Variants in CDIN1 observed in about 807,000 individuals in gnomAD.
The protein encoded by CDIN1 is CDAN1 interacting nuclease 1, also known as CDAN1-interacting nuclease 1.
CDIN1 carries 33 observed loss-of-function variants against 45.3 expected under a neutral mutation model. The ratio of observed to expected loss-of-function variants is 0.73; its 90% confidence interval spans 0.55 to 0.97. The LOEUF (loss-of-function observed/expected upper bound fraction) is 0.97, where lower values mean the gene tolerates loss of function less well. CDIN1 is among the 50% of genes least tolerant of loss of function. The probability of loss-of-function intolerance (pLI) is 0.00; values close to 1 mark genes in which losing one functional copy is unlikely to be tolerated. For missense variants in CDIN1, 303 were observed against 339.4 expected, an observed-to-expected ratio of 0.89 and a Z score of 0.84; for synonymous variants, 118 against 124.4, an observed-to-expected ratio of 0.95 and a Z score of 0.34.
At chr15:36,638,034 T>C (rs899649409) in intron 1 of CDIN1, among the ~76,000 whole-genome samples, 4 of 152,158 alleles carry the variant, frequency 2.6e-5, no homozygotes, top group Non-Finnish European at 5.9e-5. Flanking sequence ...AGTGGTTATA[T>C]TTTTTTAAAA....
At chr15:36,611,884 A>C (rs1234281884) in intron 1 of CDIN1, among the ~76,000 whole-genome samples, 1 of 152,240 alleles carries the variant, frequency 6.6e-6, no homozygotes, top group East Asian at 1.9e-4. Context: ...AAGGAATAAC[A>C]TATAGTAGGA....
At chr15:36,642,056 G>A (rs537759575) in intron 1 of CDIN1, 1 of 152,286 alleles carries the variant, frequency 6.6e-6, no homozygotes, top group Non-Finnish European at 1.5e-5. Context: ...GGTAGAGGTG[G>A]TGAGTTCCTA....
intron 3 of CDIN1, among the ~76,000 whole-genome samples, chr15:36,651,994 C>T (rs531833518): frequency 1.4e-4 from 21 of 152,266 alleles, no homozygotes; most frequent in African/African-American, 5.1e-4. Flanking sequence ...CTTAAAGCAA[C>T]AGATCTCTGG....
intron 5 of CDIN1, among the ~76,000 whole-genome samples, chr15:36,674,847 A>T (rs2041587247): frequency 6.6e-6 from 1 of 152,128 alleles, no homozygotes; most frequent in Non-Finnish European, 1.5e-5. Context: ...AGGGGAAAAT[A>T]TAACTCTCTT....
chr15:36,587,406 T>C (rs1227583158), intron 1 of CDIN1, among the ~76,000 whole-genome samples: 2 of 142,716 alleles, frequency 1.4e-5, no homozygotes, highest in African/African-American at 5.1e-5. Context: ...CACCTCTCTT[T>C]ACCAGAAAAT....
chr15:36,659,149 A>G (rs1673523660), intron 5 of CDIN1, among the ~76,000 whole-genome samples: 1 of 152,236 alleles, frequency 6.6e-6, no homozygotes, highest in Admixed American at 6.5e-5. Flanking sequence ...AGTCTGAAGC[A>G]GGTAGACTGG....
intron 10 of CDIN1, among the ~76,000 whole-genome samples, chr15:36,797,030 A>G (rs1177466995): frequency 6.6e-6 from 1 of 152,222 alleles, no homozygotes; most frequent in Non-Finnish European, 1.5e-5. Context: ...TTAAAGGAGC[A>G]CTATTGAAAA....
chr15:36,709,793 A>G (rs1241869555), intron 9 of CDIN1, 63 bp from the exon 10 acceptor site: 7 of 1,299,768 alleles, frequency 5.4e-6, no homozygotes, highest in Middle Eastern at 1.8e-4. Flanking sequence ...AGGCCTGTAC[A>G]GAGTTCAGAA....
chr15:36,770,776 T>C (rs1159782848), intron 10 of CDIN1, among the ~76,000 whole-genome samples: 2 of 152,212 alleles, frequency 1.3e-5, no homozygotes, highest in Non-Finnish European at 2.9e-5. Flanking sequence ...GATGATTTTA[T>C]GTGTTTGGCC....
intron 1 of CDIN1, among the ~76,000 whole-genome samples, chr15:36,581,867 A>C (rs7173538): frequency 0.48 from 73,600 of 152,148 alleles, 18,022 homozygotes; most frequent in Admixed American, 0.55. Flanking sequence ...ACTTGAATGG[A>C]TCTTTTACCC....
intron 10 of CDIN1, among the ~76,000 whole-genome samples, chr15:36,775,743 C>T (rs74008780): frequency 0.017 from 2,592 of 152,204 alleles, 63 homozygotes; most frequent in African/African-American, 0.06. Context: ...CCCTGACAAG[C>T]GTTTTATCTG....
intron 5 of CDIN1, among the ~76,000 whole-genome samples, chr15:36,680,744 G>A (rs918443719): frequency 2.6e-5 from 4 of 152,172 alleles, no homozygotes; most frequent in African/African-American, 7.2e-5. Context: ...AAATGGCAAG[G>A]AAGCTTGCTT....
At chr15:36,792,038 A>G (rs1304426896) in intron 10 of CDIN1, among the ~76,000 whole-genome samples, 1 of 152,210 alleles carries the variant, frequency 6.6e-6, no homozygotes, top group Non-Finnish European at 1.5e-5. Context: ...AACCTCATGC[A>G]ATAGCTTGTC....
At chr15:36,802,146 G>C (rs2141134108) in intron 10 of CDIN1, among the ~76,000 whole-genome samples, 1 of 152,302 alleles carries the variant, frequency 6.6e-6, no homozygotes, top group South Asian at 2.1e-4. Flanking sequence ...AGGCGGCTTG[G>C]GTTCGAAACC....
chr15:36,628,862 A>G (rs2039562253), intron 1 of CDIN1, among the ~76,000 whole-genome samples: 1 of 152,230 alleles, frequency 6.6e-6, no homozygotes, highest in African/African-American at 2.4e-5. Flanking sequence ...TTATCCTAGA[A>G]TACCAGGATG....
intron 1 of CDIN1, among the ~76,000 whole-genome samples, chr15:36,598,627 G>A (rs1236751263): frequency 6.6e-6 from 1 of 152,104 alleles, no homozygotes; most frequent in African/African-American, 2.4e-5. Context: ...AGAATCTGAA[G>A]TGTGAAGAAT....
intron 5 of CDIN1, among the ~76,000 whole-genome samples, chr15:36,689,271 T>A (rs1463102759): frequency 6.6e-6 from 1 of 152,232 alleles, no homozygotes; most frequent in South Asian, 2.1e-4. Flanking sequence ...CTACTTTTCT[T>A]ATGTCACGGA....
chr15:36,752,316 A>C (rs1237711864), intron 10 of CDIN1, among the ~76,000 whole-genome samples: 1 of 152,198 alleles, frequency 6.6e-6, no homozygotes, highest in Non-Finnish European at 1.5e-5. Flanking sequence ...AACATACCTT[A>C]AGTTTATCTT....
intron 10 of CDIN1, 145 bp downstream of exon 10, chr15:36,710,106 T>C: frequency 1.9e-6 from 1 of 518,760 alleles, no homozygotes; most frequent in Admixed American, 3.6e-5. Flanking sequence ...TCATTTCAGA[T>C]AATTTAAACT....
Sources: gnomAD v4.1 joint callset for allele counts (sites outside exome capture counted in the v4.1 genomes callset) on GRCh38, gnomAD v4.1.1 for gene constraint, MANE v1.5 for transcripts, NCBI Gene and HGNC (gene_info 2026-07-23, HGNC 2026-07-21) for gene names.